The following CADPS variants were observed in gnomAD, a reference collection of about 807,000 sequenced individuals.
CADPS encodes calcium dependent secretion activator.
CADPS carries 57 observed loss-of-function variants against 167.3 expected under a neutral mutation model. The ratio of observed to expected loss-of-function variants is 0.34; its 90% CI spans 0.28 to 0.42. CADPS has a LOEUF of 0.42. CADPS is among the 20% of genes least tolerant of loss of function. The probability of loss-of-function intolerance (pLI) is 1.00; values close to 1 mark genes in which losing one functional copy is unlikely to be tolerated. For synonymous variants in CADPS, 676 were observed against 635.3 expected, an observed-to-expected ratio of 1.06 and a Z score of -0.96; for missense variants, 1,414 against 1,738.1, an observed-to-expected ratio of 0.81 and a Z score of 3.32.
chr3:62,549,269 A>G (rs915348202), intron 11 of CADPS, among the ~76,000 whole-genome samples: 3 of 152,186 alleles, frequency 2.0e-5, no homozygotes, highest in African/African-American at 7.2e-5. Flanking sequence ...AGAAGTATTG[A>G]TAGATAAAAG....
chr3:62,673,870 A>C (rs1473246729), intron 3 of CADPS, among the ~76,000 whole-genome samples: 1 of 152,216 alleles, frequency 6.6e-6, no homozygotes, highest in African/African-American at 2.4e-5. Context: ...CTCTTTAAGC[A>C]GCATCAAGTC....
chr3:62,511,220 A>G (rs2067750357), intron 17 of CADPS, among the ~76,000 whole-genome samples: 1 of 152,180 alleles, frequency 6.6e-6, no homozygotes, highest in Non-Finnish European at 1.5e-5. Flanking sequence ...ACTCAGCATT[A>G]TTATGGCATA....
chr3:62,680,213 A>G (rs1488011566), intron 3 of CADPS, among the ~76,000 whole-genome samples: 4 of 68,202 alleles, frequency 5.9e-5, no homozygotes, highest in African/African-American at 2.3e-4. Context: ...AAGTTGAGTC[A>G]GCCATTTGGA....
chr3:62,722,248 C>G (rs528453516), intron 3 of CADPS, among the ~76,000 whole-genome samples: 1 of 152,322 alleles, frequency 6.6e-6, no homozygotes, highest in Admixed American at 6.5e-5. Flanking sequence ...TTCTTCCTAC[C>G]TCTCTGTGGA....
chr3:62,775,582 T>C (rs1473503493), intron 1 of CADPS, among the ~76,000 whole-genome samples: 1 of 152,246 alleles, frequency 6.6e-6, no homozygotes, highest in African/African-American at 2.4e-5. Context: ...ATATTGTCAG[T>C]TGTTTTTCTT....
At position 62,601,088 on chromosome 3, in the gene CADPS, G is replaced by A. The variant is rs1326577522; in HGVS notation, c.1326-8340C>T. On this transcript the variant is annotated intron_variant, in intron 6 of 29. Transcript: ENST00000383710. The surrounding 1 kb of genome is among the most constrained non-coding windows in gnomAD (Gnocchi z 4.3). ...TAAAAAATGTAAGTCTTCATTTTAG[G>A]ATTATAGACCAGGGGTTGTTAAACT... Among the ~76,000 whole-genome samples the A allele has an allele frequency of 6.6e-6, 1 of 152,184 alleles. No individual in the cohort carries two copies. The highest frequency in any genetic ancestry group is 1.5e-5 in the Non-Finnish European group (1 of 68,042).
chr3:62,538,409 C>T (rs531143302), intron 11 of CADPS, among the ~76,000 whole-genome samples: 1 of 152,222 alleles, frequency 6.6e-6, no homozygotes, highest in East Asian at 1.9e-4. Flanking sequence ...TTCTCTATCG[C>T]CTTTGATAGA....
At chr3:62,593,406 G>C (rs938690680) in intron 6 of CADPS, among the ~76,000 whole-genome samples, 1 of 152,316 alleles carries the variant, frequency 6.6e-6, no homozygotes, top group East Asian at 1.9e-4. Context: ...AGAGCACCAG[G>C]TGCGGCTCAC....
intron 28 of CADPS, among the ~76,000 whole-genome samples, chr3:62,430,777 G>A (rs185270191): frequency 2.0e-5 from 3 of 152,182 alleles, no homozygotes; most frequent in African/African-American, 7.2e-5. Context: ...GGTGAGTGAT[G>A]GGTTTCTCAT....
intron 6 of CADPS, among the ~76,000 whole-genome samples, chr3:62,634,822 T>C (rs1319833858): frequency 6.6e-6 from 1 of 152,208 alleles, no homozygotes; most frequent in East Asian, 1.9e-4. Flanking sequence ...ACATTTCTGC[T>C]TTTGTTCCCT....
chr3:62,400,601 C>CTTT (rs143643930), intron 29 of CADPS, among the ~76,000 whole-genome samples: 8 of 130,438 alleles, frequency 6.1e-5, no homozygotes, highest in African/African-American at 2.3e-4. Flanking sequence ...TTTTTTTTTT[C>CTTT]TTTTTTTTTT....
At chr3:62,582,560 GA>G (rs968951251) in intron 8 of CADPS, among the ~76,000 whole-genome samples, 7 of 151,698 alleles carry the variant, frequency 4.6e-5, no homozygotes, top group East Asian at 1.9e-4. Flanking sequence ...AGTTTAAATG[GA>G]AAAAAAATGT....
chr3:62,783,031 A>T (rs2091928098), intron 1 of CADPS, among the ~76,000 whole-genome samples: 1 of 152,174 alleles, frequency 6.6e-6, no homozygotes, highest in South Asian at 2.1e-4. Context: ...AAGTGCTGGG[A>T]TTACAGGCGT....
At chr3:62,736,106 C>T (rs933976871) in intron 3 of CADPS, among the ~76,000 whole-genome samples, 1 of 152,128 alleles carries the variant, frequency 6.6e-6, no homozygotes, top group Non-Finnish European at 1.5e-5. Flanking sequence ...AGGTTGGGTT[C>T]AAGTTCCAAG....
At chr3:62,424,062 C>G (rs2052063943) in intron 28 of CADPS, among the ~76,000 whole-genome samples, 1 of 152,164 alleles carries the variant, frequency 6.6e-6, no homozygotes, top group African/African-American at 2.4e-5. Context: ...ATCAAAAGAG[C>G]AGCTTTCAGA....
intron 21 of CADPS, among the ~76,000 whole-genome samples, chr3:62,485,710 A>T (rs894518131): frequency 1.3e-5 from 2 of 152,214 alleles, no homozygotes; most frequent in Admixed American, 6.5e-5. Flanking sequence ...GCAATTAATC[A>T]ACAAACATTT....
At chr3:62,650,467 G>A (rs2069810833) in intron 5 of CADPS, among the ~76,000 whole-genome samples, 1 of 152,156 alleles carries the variant, frequency 6.6e-6, no homozygotes, top group Non-Finnish European at 1.5e-5. Context: ...CCAACAGGAA[G>A]GATGATGGGA....
chr3:62,684,294 C>T (rs983295163), intron 3 of CADPS, among the ~76,000 whole-genome samples: 26 of 151,972 alleles, frequency 1.7e-4, no homozygotes, highest in Non-Finnish European at 1.5e-5. Flanking sequence ...ATTGAAAATT[C>T]TTTCTGTTGG....
At chr3:62,820,819 C>T (rs2004224) in intron 1 of CADPS, among the ~76,000 whole-genome samples, 130,791 of 146,988 alleles carry the variant, frequency 0.89, 58,234 homozygotes, top group East Asian at 1. Context: ...TCTGTCTTTT[C>T]GAGTCAGAGT....
Sources: gnomAD v4.1 joint callset for allele counts (sites outside exome capture counted in the v4.1 genomes callset) on GRCh38, gnomAD v4.1.1 for gene constraint, Gnocchi (gnomAD v3.1) non-coding constraint, MANE v1.5 for transcripts, NCBI Gene and HGNC (gene_info 2026-07-23, HGNC 2026-07-21) for gene names.